The following IL1R1 variants were observed in gnomAD, a reference collection of about 807,000 sequenced individuals.
IL1R1 encodes interleukin 1 receptor type 1, also known as interleukin-1 receptor type 1.
IL1R1 carries 22 observed loss-of-function variants against 50.2 expected under a neutral mutation model. The observed-to-expected ratio is 0.44, with a 90% CI of 0.31 to 0.63. The LOEUF (loss-of-function observed/expected upper bound fraction) is 0.63, where lower values mean the gene tolerates loss of function less well. Among genes scored for constraint, IL1R1 ranks in the 20% least tolerant of loss-of-function variants. The probability of loss-of-function intolerance (pLI) is 0.07; values close to 1 mark genes in which losing one functional copy is unlikely to be tolerated. For synonymous variants in IL1R1, 251 were observed against 236.7 expected (o/e 1.06, Z -0.55); for missense variants, 509 against 676.2 (o/e 0.75, Z 2.74).
At chr2:102,104,846 A>G (rs1680315606) in exon 1 of IL1R1, 1 of 152,228 alleles carries the variant, frequency 6.6e-6, no homozygotes, top group African/African-American at 2.4e-5. Flanking sequence ...CCATTCCCAA[A>G]TGCCCCAAGG....
At chr2:102,083,087 CT>C (rs897718063) in intron 1 of IL1R1, among the ~76,000 whole-genome samples, 1 of 152,126 alleles carries the variant, frequency 6.6e-6, no homozygotes, top group African/African-American at 2.4e-5. Flanking sequence ...CTTTGCACCC[CT>C]GATGCTCCGC....
At position 102,165,321 on chromosome 2, in the gene IL1R1, T is replaced by C. The variant is rs747300398; in HGVS notation, c.486+17T>C. 7.2e-6 allele frequency: 10 copies of C among 1,380,614 alleles called. No homozygotes were observed. The African/African-American group carries it at 1.3e-4, about 18-fold the overall frequency. The allele number at this position is 1,380,614 out of a possible 1,614,324, so 85.5% of individuals were successfully genotyped here. ...TGGTATAAGGTAATTTTATTTTAAA[T>C]ATGACATTTCACTTTTCCAGAAAAT... On this transcript the variant is annotated intron_variant, in intron 5 of 11. Transcript: ENST00000410023.
At chr2:102,168,851 C>T (rs1015622228) in intron 7 of IL1R1, among the ~76,000 whole-genome samples, 188 bp downstream of exon 7, 2 of 152,036 alleles carry the variant, frequency 1.3e-5, no homozygotes, top group African/African-American at 4.8e-5. Context: ...AACATCTTGC[C>T]ATGTCTGATA....
chr2:102,095,071 A>G (rs1679841130), intron 1 of IL1R1, among the ~76,000 whole-genome samples: 1 of 152,190 alleles, frequency 6.6e-6, no homozygotes, highest in African/African-American at 2.4e-5. Flanking sequence ...ACGCCACTTC[A>G]CAGCTGTTTC....
intron 3 of IL1R1, among the ~76,000 whole-genome samples, chr2:102,160,007 T>C (rs1234902721): frequency 6.6e-6 from 1 of 152,166 alleles, no homozygotes; most frequent in East Asian, 1.9e-4. Context: ...TGCCAGTCTT[T>C]TTGTTGCCTT....
At chr2:102,132,635 A>G (rs1228952607) in intron 1 of IL1R1, among the ~76,000 whole-genome samples, 1 of 152,204 alleles carries the variant, frequency 6.6e-6, no homozygotes, top group African/African-American at 2.4e-5. Flanking sequence ...AAGGACATCA[A>G]TGACACCAAA....
Position 102,176,928 on chromosome 2 carries a change from G to T in IL1R1, c.*169G>T. On this transcript the variant is annotated 3_prime_UTR_variant, in exon 12 of 12. Transcript: ENST00000410023. ...AAGGGAATAAGCCATGACGTCAATA[G>T]CAGCCCAGGGCACTTCAGAGTAGAG... 4 of 653,530 alleles carry T rather than the reference G, an allele frequency of 6.1e-6. No individual in the cohort carries two copies. 40.5% of individuals were successfully genotyped at this position (653,530 alleles called of 1,614,324 possible).
chr2:102,108,570 G>A (rs1000898873), intron 1 of IL1R1, among the ~76,000 whole-genome samples: 4 of 152,044 alleles, frequency 2.6e-5, no homozygotes, highest in Non-Finnish European at 5.9e-5. Context: ...GTCAATGTAA[G>A]GGAGGTAGAA....
intron 1 of IL1R1, among the ~76,000 whole-genome samples, chr2:102,081,286 T>C (rs1432098619): frequency 1.3e-5 from 2 of 152,198 alleles, no homozygotes; most frequent in Non-Finnish European, 2.9e-5. Flanking sequence ...GTAGAGATTT[T>C]TGCAAATCCT....
intron 1 of IL1R1, among the ~76,000 whole-genome samples, chr2:102,117,182 T>A (rs1681126559): frequency 6.6e-6 from 1 of 152,210 alleles, no homozygotes; most frequent in Non-Finnish European, 1.5e-5. Flanking sequence ...ACGCCTGCAA[T>A]CATGGTGCCT....
intron 1 of IL1R1, among the ~76,000 whole-genome samples, chr2:102,071,059 A>C (rs1678695423): frequency 6.6e-6 from 1 of 152,194 alleles, no homozygotes. Flanking sequence ...AAAAAACACT[A>C]AGATATTTGA....
At position 102,124,961 on chromosome 2, in the gene IL1R1, C is replaced by A. The variant is rs574251446; in HGVS notation, c.-84+20089C>A. On this transcript the variant is annotated intron_variant, in intron 1 of 10. Transcript: ENST00000409329. ...ACCTCCTGAGACTCACCCACTATCA[C>A]GAGAACAGCATGGGGGAACCACCGC... 2.6e-5 allele frequency among the ~76,000 whole-genome samples: 4 copies of A among 152,236 alleles called. No homozygotes were observed. In the East Asian group the frequency reaches 7.7e-4, roughly 29 times the overall value.
At chr2:102,167,270 G>T (rs1231736124) in intron 6 of IL1R1, among the ~76,000 whole-genome samples, 4 of 151,898 alleles carry the variant, frequency 2.6e-5, no homozygotes, top group Non-Finnish European at 4.4e-5. Context: ...GGTCCCACAG[G>T]CATCAGTGAA....
intron 1 of IL1R1, among the ~76,000 whole-genome samples, chr2:102,126,051 A>G (rs942073088): frequency 2.0e-5 from 3 of 152,250 alleles, no homozygotes; most frequent in Non-Finnish European, 4.4e-5. Context: ...TCTTAACTTC[A>G]ACAGCCTTAT....
Position 102,174,675 on chromosome 2 carries a change from G to C in IL1R1, c.1080G>C (p.Lys360Asn). The part of the protein sequence containing the change: ...VCSVFIYKIF[K>N]IDIVLWYRDS... ...CTGTTTTCATCTATAAAATCTTCAA[G>C]ATTGACATTGTGCTTTGGTACAGGG... Residue 360 changes from lysine (K) to asparagine (N), a missense_variant, in exon 10 of 12, where the codon AAG becomes AAC. Lys to Asn is a moderately conservative substitution (Grantham distance 94). Transcript: ENST00000410023. The C allele has an allele frequency of 6.2e-7, 1 of 1,612,338 alleles. No individual in the cohort carries two copies. Among genetic ancestry groups the C allele is most frequent in the Non-Finnish European group, 8.5e-7 (1 of 1,179,246 alleles).
At chr2:102,082,406 G>GTA (rs1197819072) in intron 1 of IL1R1, among the ~76,000 whole-genome samples, 2 of 152,190 alleles carry the variant, frequency 1.3e-5, no homozygotes, top group Non-Finnish European at 2.9e-5. Flanking sequence ...AGCCAAGGAT[G>GTA]TATAGTGCAT....
In IL1R1 at chr2:102,155,132, ATGAATGGTTAAC is replaced by A. The variant is rs1436453567; in HGVS notation, c.-7+1120_-7+1131del. ...AATGCAGCAGTGAGTGAATAAAGAC[ATGAATGGTTAAC>A]TGAAAACATTTTATCAAAACTGTTA... On this transcript the variant is annotated intron_variant, in intron 2 of 11. Coordinates refer to ENST00000410023, the MANE Select transcript of IL1R1 (RefSeq NM_000877.4). Among the ~76,000 whole-genome samples the A allele has an allele frequency of 5.2e-5, 8 of 152,394 alleles. 2 individuals carry two copies. The highest frequency in any genetic ancestry group is 1.7e-4 in the African/African-American group (7 of 41,600).
intron 9 of IL1R1, 23 bp from the exon 10 acceptor site, chr2:102,174,564 C>CTTT: frequency 6.7e-7 from 1 of 1,490,206 alleles, no homozygotes; most frequent in Non-Finnish European, 9.0e-7. Flanking sequence ...ATTTTTTCTC[C>CTTT]TTTTTTTTTC....
intron 1 of IL1R1, among the ~76,000 whole-genome samples, chr2:102,089,433 C>T (rs1176627460): frequency 6.6e-6 from 1 of 152,090 alleles, no homozygotes; most frequent in Non-Finnish European, 1.5e-5. Context: ...ATAGTAACAT[C>T]AGATATTGCT....
Sources: allele counts gnomAD v4.1 joint callset (sites outside exome capture counted in the v4.1 genomes callset), GRCh38; gene constraint gnomAD v4.1.1; transcripts MANE v1.5; gene names NCBI Gene and HGNC (gene_info 2026-07-23, HGNC 2026-07-21).